Variants in AADACL2 observed in about 807,000 individuals in gnomAD.
AADACL2 encodes arylacetamide deacetylase like 2.
AADACL2 carries 23 observed loss-of-function variants against 22.3 expected under a neutral mutation model. The ratio of observed to expected loss-of-function variants is 1.03; its 90% CI spans 0.74 to 1.46. The LOEUF (loss-of-function observed/expected upper bound fraction) is 1.46, where lower values mean the gene tolerates loss of function less well. Ranked by LOEUF, AADACL2 falls within the 40% of genes most tolerant of loss-of-function variation. The probability of loss-of-function intolerance (pLI) is 0.00; values close to 1 mark genes in which losing one functional copy is unlikely to be tolerated. For synonymous variants in AADACL2, 177 were observed against 166.2 expected, an observed-to-expected ratio of 1.07 and a Z score of -0.50; for missense variants, 472 against 482.9, an observed-to-expected ratio of 0.98 and a Z score of 0.21.
chr3:151,761,208 T>G lies in AADACL2; in HGVS notation c.*3614T>G, dbSNP rs1481050956. 3.9e-5 allele frequency: 2 copies of G among 51,528 alleles called. No individual in the cohort carries two copies. Among genetic ancestry groups the G allele is most frequent in the African/African-American group, 1.6e-4 (2 of 12,232 alleles). The allele number at this position is 51,528 out of a possible 1,614,324, so 3.2% of individuals were successfully genotyped here. On this transcript the variant is annotated 3_prime_UTR_variant, in exon 5 of 5. Transcript: ENST00000356517. Reference sequence around the variant, plus strand: ...GGTGAGATATATACATATTGTGATATATATATATATATATATATATATATA... The same window carrying G: ...GGTGAGATATATACATATTGTGATAGATATATATATATATATATATATATA...
intron 4 of AADACL2, among the ~76,000 whole-genome samples, chr3:151,748,696 G>A (rs1420561962): frequency 6.6e-6 from 1 of 152,176 alleles, no homozygotes; most frequent in African/African-American, 2.4e-5. Context: ...CTTTGCACAT[G>A]CAGATACCCG....
intron 4 of AADACL2, among the ~76,000 whole-genome samples, chr3:151,754,902 C>T (rs1713834743): frequency 1.3e-5 from 2 of 152,196 alleles, no homozygotes; most frequent in East Asian, 3.9e-4. Flanking sequence ...TCCATTCCTT[C>T]ATGTCCATTT....
intron 4 of AADACL2, among the ~76,000 whole-genome samples, chr3:151,756,217 C>A (rs1182203858): frequency 6.6e-6 from 1 of 152,114 alleles, no homozygotes; most frequent in Non-Finnish European, 1.5e-5. Flanking sequence ...TTATCTCCTG[C>A]AGTCTGCAGG....
At chr3:151,753,271 G>GAT (rs1713741685) in intron 4 of AADACL2, among the ~76,000 whole-genome samples, 5 of 152,142 alleles carry the variant, frequency 3.3e-5, no homozygotes, top group Non-Finnish European at 7.4e-5. Context: ...TGTGAGTCCT[G>GAT]CACTTCTGAG....
rs1204089057 is a variant in AADACL2, at chr3:151,759,130, TA to T, written c.*1539del. ...TTTTTTTCCTCTGAGAAATAAAATC[TA>T]AATGGAGATTTGATACTATATGCTA... On this transcript the variant is annotated 3_prime_UTR_variant, in exon 5 of 5. Transcript: ENST00000356517. The T allele has an allele frequency of 5.3e-5, 8 of 152,164 alleles. No homozygotes were observed. The highest frequency in any genetic ancestry group is 1.9e-4 in the African/African-American group (8 of 41,466). The allele number at this position is 152,164 out of a possible 1,614,324, so 9.4% of individuals were successfully genotyped here. A position where few individuals can be genotyped will look rare whatever the true frequency, so the allele number is the denominator to read the frequency against.
chr3:151,743,597 G>T (rs10513418), intron 2 of AADACL2, among the ~76,000 whole-genome samples: 48,839 of 151,898 alleles, frequency 0.32, 8,172 homozygotes, highest in East Asian at 0.55. Context: ...TTTATTATGT[G>T]GCATCTTCAA....
Position 151,757,097 on chromosome 3 carries a change from C to T in AADACL2, c.709C>T (p.His237Tyr). The T allele has an allele frequency of 6.2e-7, 1 of 1,613,106 alleles. No individual in the cohort carries two copies. ...TTTGCCATCTCACCGAGAAAATGAG[C>T]ATGGTATAGTTTTGACCAGGGATGT... ...SYLPSHRENE[H>Y]GIVLTRDVAI... The change falls in exon 5 of 5, where the codon CAT (histidine) becomes TAT (tyrosine). Residue 237 changes from histidine (H) to tyrosine (Y), a missense_variant. By Grantham distance (83) the His-to-Tyr change is moderately conservative (BLOSUM62 2). Transcript: ENST00000356517.
In AADACL2 at chr3:151,757,275, T is replaced by A. The variant is rs781527636; in HGVS notation, c.887T>A (p.Val296Glu). 1.9e-6 allele frequency: 3 copies of A among 1,613,814 alleles called. No individual in the cohort carries two copies. ...LLPEKYRKDYVYTEPILGGLS... is the reference protein window; with the variant it reads ...LLPEKYRKDYEYTEPILGGLS... ...CCTGAGAAGTATAGAAAAGACTATG[T>A]ATATACTGAACCAATTCTTGGAGGA... Residue 296 changes from valine (V) to glutamate (E), a missense_variant, in exon 5 of 5, where the codon GTA becomes GAA. Around this residue, in one of 3 missense-constraint regions of AADACL2, gnomAD observed 356 missense variants for 365.5 expected, o/e 0.97. Coordinates refer to ENST00000356517, the MANE Select transcript of AADACL2 (RefSeq NM_207365.4).
rs1328284078 is a variant in AADACL2 at position 151,761,267 on chromosome 3, AC to A, written c.*3675del. ...TGAATTTGGTGGAACACAAAAGAAC[AC>A]CTAGCAAGTATCATATGTTCCAATT... On this transcript the variant is annotated 3_prime_UTR_variant, in exon 5 of 5. Transcript: ENST00000356517. 1 of 146,276 alleles carries A rather than the reference AC, an allele frequency of 6.8e-6. No homozygotes were observed. The highest frequency in any genetic ancestry group is 2.5e-5 in the African/African-American group (1 of 39,990). 9.1% of individuals were successfully genotyped at this position (146,276 alleles called of 1,614,324 possible).
intron 4 of AADACL2, among the ~76,000 whole-genome samples, chr3:151,755,556 G>A (rs868427428): frequency 1.5e-4 from 23 of 152,246 alleles, no homozygotes; most frequent in Middle Eastern, 3.4e-3. Context: ...TCTGACTCAG[G>A]TGCTTTTCCA....
chr3:151,740,464 TCAAGGG>T (rs1474709231), intron 1 of AADACL2, among the ~76,000 whole-genome samples, 176 bp from the exon 2 acceptor site: 1 of 152,248 alleles, frequency 6.6e-6, no homozygotes, highest in African/African-American at 2.4e-5. Flanking sequence ...TTTGAGATTT[TCAAGGG>T]CAAGAAGGTT....
Position 151,742,654 on chromosome 3 carries a change from T to G in AADACL2, c.362-1439T>G, listed in dbSNP as rs138349495. The stretch of plus-strand genomic sequence containing the variant: ...GTGTCCATAATGAGTGAGAAAAGGG[T>G]GGTCACACATCACTTTGTTCCCAGA... On this transcript the variant is annotated intron_variant, in intron 2 of 4. Coordinates refer to ENST00000356517, the MANE Select transcript of AADACL2 (RefSeq NM_207365.4). 4.2e-3 allele frequency among the ~76,000 whole-genome samples: 642 copies of G among 152,118 alleles called. 6 individuals are homozygous for G. Among genetic ancestry groups the G allele is most frequent in the Middle Eastern group, 0.01 (3 of 294 alleles).
chr3:151,745,419 T>C (rs534244793), intron 3 of AADACL2, 90 bp from the exon 4 acceptor site: 4 of 1,332,870 alleles, frequency 3.0e-6, no homozygotes, highest in South Asian at 2.7e-5. Flanking sequence ...GACTGAACAA[T>C]AAAGACTGGC....
chr3:151,756,874 G>T, intron 4 of AADACL2, 118 bp from the exon 5 acceptor site: 1 of 746,714 alleles, frequency 1.3e-6, no homozygotes, highest in Non-Finnish European at 1.9e-6. Context: ...AAATAATTAT[G>T]ATACATCACA....
At position 151,749,646 on chromosome 3, in the gene AADACL2, C is replaced by T. The variant is rs186185063; in HGVS notation, c.603+3966C>T. Among the ~76,000 whole-genome samples, 459 of 152,090 alleles carry T rather than the reference C, an allele frequency of 3.0e-3. 1 individual carries two copies. The highest frequency in any genetic ancestry group is 0.011 in the African/African-American group (443 of 41,478). On this transcript the variant is annotated intron_variant, in intron 4 of 4. Transcript: ENST00000356517. ...TACAGGCACCCGCCATCATGCCTGG[C>T]TAATTTTTGTATTTTTAGTAGAGAC...
rs916416726 is a variant in AADACL2 at position 151,758,982 on chromosome 3, T to C, written c.*1388T>C. On this transcript the variant is annotated 3_prime_UTR_variant, in exon 5 of 5. Coordinates refer to ENST00000356517, the MANE Select transcript of AADACL2 (RefSeq NM_207365.4). ...CAGTCCACAAACAAAATAAGATTTT[T>C]TTAATGTAGAGAGAAATTAATTATG... 1 of 152,120 alleles carries C rather than the reference T, an allele frequency of 6.6e-6. No homozygotes were observed. The highest frequency in any genetic ancestry group is 1.5e-5 in the Non-Finnish European group (1 of 67,988). The allele number at this position is 152,120 out of a possible 1,614,324, so 9.4% of individuals were successfully genotyped here.
At chr3:151,739,386 C>A (rs1713200152) in intron 1 of AADACL2, among the ~76,000 whole-genome samples, 1 of 152,198 alleles carries the variant, frequency 6.6e-6, no homozygotes, top group South Asian at 2.1e-4. Context: ...CCCAGAGGGG[C>A]ACCAGCTTGA....
At chr3:151,748,665 T>A (rs1297565073) in intron 4 of AADACL2, among the ~76,000 whole-genome samples, 1 of 152,232 alleles carries the variant, frequency 6.6e-6, no homozygotes, top group African/African-American at 2.4e-5. Flanking sequence ...CTCTCTTGCT[T>A]CCTTTCTTGC....
rs1282258616 is a variant in AADACL2 at position 151,740,778 on chromosome 3, G to T, written c.271G>T (p.Val91Leu). 6 of 1,613,978 alleles carry T rather than the reference G, an allele frequency of 3.7e-6. No homozygotes were observed. The highest frequency in any genetic ancestry group is 1.7e-5 in the Admixed American group (1 of 60,008). ...TGATACAACATTTGTTGACATTCCA[G>T]TACGATTGTACTTGCCAAAAAGAAA... is the stretch of plus-strand genomic sequence containing the variant. ...VTDTTFVDIP[V>L]RLYLPKRKSE... Residue 91 changes from valine (V) to leucine (L), a missense_variant, in exon 2 of 5, where the codon GTA becomes TTA. By Grantham distance (32) the Val-to-Leu change is conservative (BLOSUM62 1). Transcript: ENST00000356517.
Sources: gnomAD v4.1 joint callset for allele counts (sites outside exome capture counted in the v4.1 genomes callset) on GRCh38, gnomAD v4.1.1 for gene constraint, gnomAD v4.1.1 regional missense constraint, MANE v1.5 for transcripts, NCBI Gene and HGNC (gene_info 2026-07-23, HGNC 2026-07-21) for gene names.